Variants in RBFOX1 observed in about 807,000 individuals in gnomAD.
The protein encoded by RBFOX1 is RNA binding protein fox-1 homolog 1.
Under a neutral mutation model 57.7 loss-of-function variants are expected in RBFOX1, and 8 were observed. That is an observed-to-expected ratio of 0.14 (90% CI 0.08 to 0.25). The LOEUF (loss-of-function observed/expected upper bound fraction) is 0.25. Ranked by LOEUF, RBFOX1 falls within the 10% of genes least tolerant of loss-of-function variation. The pLI is 1.00. For missense variants in RBFOX1, 611 were observed against 548.5 expected (o/e 1.11, Z -1.14); for synonymous variants, 326 against 222.4 (o/e 1.47, Z -4.15).
intron 1 of RBFOX1, among the ~76,000 whole-genome samples, chr16:5,319,390 G>C (rs1463527201): frequency 6.6e-6 from 1 of 152,172 alleles, no homozygotes; most frequent in Non-Finnish European, 1.5e-5. Context: ...CCCTGTTCTA[G>C]TGGTCTCTGA....
At chr16:5,836,890 ACTTGT>A (rs1483076034) in intron 3 of RBFOX1, among the ~76,000 whole-genome samples, 1 of 152,106 alleles carries the variant, frequency 6.6e-6, no homozygotes, top group African/African-American at 2.4e-5. Flanking sequence ...TTAGCTCCTT[ACTTGT>A]CTTCTGACTT....
At chr16:7,129,182 C>G (rs1003015377) in intron 4 of RBFOX1, among the ~76,000 whole-genome samples, 1 of 152,166 alleles carries the variant, frequency 6.6e-6, no homozygotes, top group African/African-American at 2.4e-5. Context: ...GAAAGTCTGG[C>G]TCCAGAGTAC....
intron 3 of RBFOX1, among the ~76,000 whole-genome samples, chr16:6,857,497 A>C (rs2142292740): frequency 6.6e-6 from 1 of 152,340 alleles, no homozygotes; most frequent in East Asian, 1.9e-4. Context: ...ATTGGGCATA[A>C]CCAGCACAGT....
intron 4 of RBFOX1, among the ~76,000 whole-genome samples, chr16:7,391,436 T>G (rs987490028): frequency 1.3e-5 from 2 of 152,222 alleles, no homozygotes; most frequent in African/African-American, 4.8e-5. Context: ...GCAAGAGCTC[T>G]GCTATGATTT....
In RBFOX1 at chr16:5,640,776, TACAC is replaced by T. The variant is rs995930753; in HGVS notation, c.318+41820_318+41823del. ...TACACCATGGATACACACAGGCACA[TACAC>T]ACACCATGCATACACACACATATAC... is the stretch of plus-strand genomic sequence containing the variant. On this transcript the variant is annotated intron_variant, in intron 3 of 19. Transcript: ENST00000641259. Among the ~76,000 whole-genome samples the T allele has an allele frequency of 1.4e-4, 19 of 140,596 alleles. 1 individual carries two copies. The highest frequency in any genetic ancestry group is 6.9e-4 in the South Asian group (3 of 4,370). The allele number at this position is 140,596 out of a possible 152,430, so 92.2% of individuals were successfully genotyped here.
chr16:6,532,106 T>C (rs905652609), intron 2 of RBFOX1, among the ~76,000 whole-genome samples: 6 of 152,118 alleles, frequency 3.9e-5, no homozygotes, highest in African/African-American at 1.4e-4. Context: ...CACATCCCAT[T>C]GGCCAGACTT....
At chr16:7,574,077 A>C (rs969382677) in intron 5 of RBFOX1, among the ~76,000 whole-genome samples, 6 of 152,160 alleles carry the variant, frequency 3.9e-5, no homozygotes, top group Non-Finnish European at 7.3e-5. Flanking sequence ...GGGATGCTAT[A>C]ATGACTTCTC....
At chr16:5,741,390 C>A (rs756400943) in intron 3 of RBFOX1, among the ~76,000 whole-genome samples, 1 of 152,120 alleles carries the variant, frequency 6.6e-6, no homozygotes, top group African/African-American at 2.4e-5. Flanking sequence ...TTTTTTCCCA[C>A]GTCAACATAA....
At chr16:6,519,224 C>T (rs1393271380) in intron 2 of RBFOX1, among the ~76,000 whole-genome samples, 1 of 152,110 alleles carries the variant, frequency 6.6e-6, no homozygotes, top group East Asian at 1.9e-4. Flanking sequence ...CTGCCTACCA[C>T]ACTGGGTTGA....
intron 3 of RBFOX1, among the ~76,000 whole-genome samples, chr16:6,962,993 T>A (rs2083342093): frequency 6.6e-6 from 1 of 152,178 alleles, no homozygotes; most frequent in South Asian, 2.1e-4. Context: ...AAAAGAATGC[T>A]GACTCCCAGC....
chr16:7,215,019 A>G (rs956339816), intron 4 of RBFOX1, among the ~76,000 whole-genome samples: 4 of 152,218 alleles, frequency 2.6e-5, no homozygotes, highest in Admixed American at 1.3e-4. Context: ...TAAGCCCCAC[A>G]TGCATTAGCT....
At position 5,975,042 on chromosome 16, in the gene RBFOX1, A is replaced by T. The variant is rs974077458; in HGVS notation, c.351+107707A>T. ...ATAAATAAATAAAAATAACAAAAGT[A>T]AAAAACCAAAATCACTTTAAAAAGT... On this transcript the variant is annotated intron_variant, in intron 4 of 19. Transcript: ENST00000641259. 2.6e-5 allele frequency among the ~76,000 whole-genome samples: 4 copies of T among 152,114 alleles called. No homozygotes were observed. The East Asian group carries it at 7.7e-4, about 29-fold the overall frequency.
At chr16:7,295,693 G>T (rs1390769032) in intron 4 of RBFOX1, among the ~76,000 whole-genome samples, 1 of 152,050 alleles carries the variant, frequency 6.6e-6, no homozygotes, top group Non-Finnish European at 1.5e-5. Context: ...TACACCTTTT[G>T]CAGTCTCGCT....
At chr16:5,644,167 G>A (rs1174172393) in intron 3 of RBFOX1, among the ~76,000 whole-genome samples, 1 of 152,120 alleles carries the variant, frequency 6.6e-6, no homozygotes, top group Admixed American at 6.5e-5. Context: ...TTTCCATAAG[G>A]TATAATTTTA....
At chr16:5,425,657 G>A (rs979908042) in intron 1 of RBFOX1, among the ~76,000 whole-genome samples, 3 of 152,308 alleles carry the variant, frequency 2.0e-5, no homozygotes, top group South Asian at 2.1e-4. Context: ...GCTGAGCAGG[G>A]CCAGATTTGT....
intron 1 of RBFOX1, among the ~76,000 whole-genome samples, chr16:5,344,436 A>G (rs6500685): frequency 0.12 from 18,807 of 152,146 alleles, 2,968 homozygotes; most frequent in African/African-American, 0.37. Context: ...GGCACACTCA[A>G]TTGAATTACA....
intron 3 of RBFOX1, among the ~76,000 whole-genome samples, chr16:6,900,421 T>C (rs988694334): frequency 3.2e-4 from 48 of 152,342 alleles, no homozygotes; most frequent in South Asian, 1.9e-3. Context: ...CTAATCATGC[T>C]ACCACTATCT....
intron 3 of RBFOX1, among the ~76,000 whole-genome samples, chr16:6,891,571 G>A (rs985045647): frequency 6.6e-6 from 1 of 152,168 alleles, no homozygotes; most frequent in African/African-American, 2.4e-5. Context: ...TTTTTCCAGT[G>A]CTCCAGGCAT....
chr16:5,661,842 A>G (rs138471336), intron 3 of RBFOX1, among the ~76,000 whole-genome samples: 2 of 152,060 alleles, frequency 1.3e-5, no homozygotes, highest in African/African-American at 4.8e-5. Context: ...CTGGGGTGCA[A>G]TGGTGAGATC....
Sources: gnomAD v4.1 joint callset for allele counts (sites outside exome capture counted in the v4.1 genomes callset) on GRCh38, gnomAD v4.1.1 for gene constraint, MANE v1.5 for transcripts, NCBI Gene and HGNC (gene_info 2026-07-23, HGNC 2026-07-21) for gene names.